Variants in DOCK8 observed in about 807,000 individuals in gnomAD.
DOCK8 encodes dedicator of cytokinesis protein 8.
In DOCK8, 141 loss-of-function variants were observed where a neutral mutation model predicts 245.6. The ratio of observed to expected loss-of-function variants is 0.57; its 90% CI spans 0.50 to 0.66. The LOEUF (loss-of-function observed/expected upper bound fraction) is 0.66, where lower values mean the gene tolerates loss of function less well. DOCK8 is among the 30% of genes least tolerant of loss of function. The pLI is 0.00. For missense variants in DOCK8, 2,965 were observed against 2,603.4 expected, an observed-to-expected ratio of 1.14 and a Z score of -3.02; for synonymous variants, 1,168 against 970.2, an observed-to-expected ratio of 1.20 and a Z score of -3.79.
chr9:233,155 C>A (rs1223224600), intron 1 of DOCK8, among the ~76,000 whole-genome samples: 1 of 151,994 alleles, frequency 6.6e-6, no homozygotes, highest in African/African-American at 2.4e-5. Context: ...TCATTATTTA[C>A]CCAGTAGTCA....
At chr9:249,481 T>C (rs193052438) in intron 1 of DOCK8, among the ~76,000 whole-genome samples, 1 of 152,342 alleles carries the variant, frequency 6.6e-6, no homozygotes, top group African/African-American at 2.4e-5. Flanking sequence ...CATTCCTAGT[T>C]GGTTAGACTG....
At chr9:417,633 A>G (rs1586971249) in intron 29 of DOCK8, among the ~76,000 whole-genome samples, 1 of 152,256 alleles carries the variant, frequency 6.6e-6, no homozygotes, top group African/African-American at 2.4e-5. Flanking sequence ...CAATAAATTG[A>G]CATTCATTTT....
At chr9:371,831 T>C (rs529483072) in intron 17 of DOCK8, among the ~76,000 whole-genome samples, 1 of 152,386 alleles carries the variant, frequency 6.6e-6, no homozygotes, top group South Asian at 2.1e-4. Context: ...TTTCCAAATT[T>C]AATATCCATG....
chr9:312,859 GGTT>G (rs2130707928), intron 6 of DOCK8: 21 of 174,682 alleles, frequency 1.2e-4, no homozygotes, highest in South Asian at 9.5e-4. Flanking sequence ...CTCTGCGTGA[GGTT>G]ATCTACACTT....
chr9:378,121 A>T (rs2053592281), intron 20 of DOCK8, among the ~76,000 whole-genome samples: 1 of 152,254 alleles, frequency 6.6e-6, no homozygotes, highest in African/African-American at 2.4e-5. Flanking sequence ...TATGGCAAAG[A>T]GTCAGCAGCA....
Position 377,117 on chromosome 9 carries a change from C to T in DOCK8, c.2346C>T (p.Ser782=), listed in dbSNP as rs562630401. 10 of 1,610,904 alleles carry T rather than the reference C, an allele frequency of 6.2e-6. No homozygotes were observed. The highest frequency in any genetic ancestry group is 2.2e-5 in the East Asian group (1 of 44,876). The change falls in exon 20 of 48, where the codon TCC becomes TCT. Residue 782 remains serine (S), a synonymous_variant. Transcript: ENST00000432829. The stretch of plus-strand genomic sequence containing the variant: ...AGCTCAGCATCATCTGCCTGAACTC[C>T]TCCCGCCTGGAGCCGCTCGTGCTCT... The part of the protein sequence containing the change: ...ELKLSIICLN[S]SRLEPLVLFL...
Position 223,588 on chromosome 9 carries a change from T to G in DOCK8, c.53+8559T>G, listed in dbSNP as rs374654279. On this transcript the variant is annotated intron_variant, in intron 1 of 47. Transcript: ENST00000432829. The stretch of plus-strand genomic sequence containing the variant: ...AATTATTCTCAGGGACTGGAGTACA[T>G]TTATTTTTAAAAAGAAACTTGGTGT... Among the ~76,000 whole-genome samples, 33 of 152,202 alleles carry G rather than the reference T, an allele frequency of 2.2e-4. 1 individual carries two copies. The South Asian group carries it at 6.6e-3, about 31-fold the overall frequency.
chr9:220,692 C>G (rs2046860878), intron 1 of DOCK8: 1 of 402,632 alleles, frequency 2.5e-6, no homozygotes, highest in African/African-American at 2.2e-5. Context: ...ACTGCTGTTC[C>G]CACAAGCAGT....
rs1563999050 is a variant in DOCK8 at position 390,548 on chromosome 9, GTTC to G, written c.2958_2960del (p.Phe987del). ...GAGAAACAGTCTTCAAGTATGCCTG[GTTC>G]TTCTTTGAGCTTCTGGTGAGATTCT... On this transcript the variant is annotated inframe_deletion, in exon 24 of 48. Transcript: ENST00000432829. 2 of 1,614,166 alleles carry G rather than the reference GTTC, an allele frequency of 1.2e-6. No homozygotes were observed. Among genetic ancestry groups the G allele is most frequent in the South Asian group, 1.1e-5 (1 of 91,084 alleles).
chr9:343,436 C>T lies in DOCK8; in HGVS notation c.1679+3115C>T, dbSNP rs577553308. Among the ~76,000 whole-genome samples the T allele has an allele frequency of 1.1e-4, 17 of 151,966 alleles. No individual in the cohort carries two copies. The South Asian group carries it at 2.5e-3, about 22-fold the overall frequency. On this transcript the variant is annotated intron_variant, in intron 14 of 47. Transcript: ENST00000432829. ...CTTGAGCCCAGAAATTCGAGGTTAG[C>T]CTTGTGCCACTGCTCTCCAAATCAA...
At chr9:421,970 G>C (rs1586985332) in intron 32 of DOCK8, 78 bp from the exon 33 acceptor site, 1 of 1,260,408 alleles carries the variant, frequency 7.9e-7, no homozygotes, top group East Asian at 2.4e-5. Flanking sequence ...CTTCTCAGTT[G>C]AGCTTGTTAT....
Position 372,214 on chromosome 9 carries a change from T to G in DOCK8, c.2037T>G (p.Leu679=). The change falls in exon 18 of 48, where the codon CTT becomes CTG. Residue 679 remains leucine (L), a synonymous_variant. Transcript: ENST00000432829. ...TGCCAATTCTCTTAAATGAACGTCT[T>G]CAAACTGGATCCTACTGTCTCCCAG... ...SWLPILLNER[L]QTGSYCLPVA... is the part of the protein sequence containing the mutation. The G allele has an allele frequency of 6.2e-7, 1 of 1,614,146 alleles. No homozygotes were observed.
At chr9:431,133 C>G (rs1340998055) in intron 36 of DOCK8, among the ~76,000 whole-genome samples, 1 of 152,132 alleles carries the variant, frequency 6.6e-6, no homozygotes, top group Non-Finnish European at 1.5e-5. Flanking sequence ...CTCAGCCCCC[C>G]AAAGTACTGA....
chr9:402,534 C>A (rs1428090009), intron 26 of DOCK8, among the ~76,000 whole-genome samples: 1 of 152,192 alleles, frequency 6.6e-6, no homozygotes. Flanking sequence ...AGGTCACTGA[C>A]CCCCATTCGT....
chr9:302,234 A>C (rs1004021742), intron 4 of DOCK8, among the ~76,000 whole-genome samples: 1 of 152,218 alleles, frequency 6.6e-6, no homozygotes, highest in Admixed American at 6.5e-5. Flanking sequence ...AGTTGACAAT[A>C]ACAAGCCATG....
intron 28 of DOCK8, among the ~76,000 whole-genome samples, chr9:413,933 G>A (rs536800835): frequency 1.4e-4 from 21 of 152,320 alleles, no homozygotes; most frequent in Admixed American, 1.4e-3. Flanking sequence ...TTTGAGGCCA[G>A]GAGTTCGAGA....
At chr9:408,825 A>G (rs1330074767) in intron 28 of DOCK8, among the ~76,000 whole-genome samples, 1 of 152,128 alleles carries the variant, frequency 6.6e-6, no homozygotes, top group African/African-American at 2.4e-5. Context: ...AGAGATAATC[A>G]TGTAATTATG....
At chr9:251,497 C>T (rs2047644737) in intron 1 of DOCK8, among the ~76,000 whole-genome samples, 1 of 152,162 alleles carries the variant, frequency 6.6e-6, no homozygotes, top group Non-Finnish European at 1.5e-5. Flanking sequence ...CTTCTGAAAG[C>T]TTTCGCATGC....
chr9:367,211 T>C (rs1001844843), intron 14 of DOCK8, among the ~76,000 whole-genome samples: 1 of 152,236 alleles, frequency 6.6e-6, no homozygotes, highest in African/African-American at 2.4e-5. Flanking sequence ...ATCATTATTA[T>C]TGTTTCTTCA....
Sources: allele counts gnomAD v4.1 joint callset (sites outside exome capture counted in the v4.1 genomes callset), GRCh38; gene constraint gnomAD v4.1.1; transcripts MANE v1.5; gene names NCBI Gene and HGNC (gene_info 2026-07-23, HGNC 2026-07-21).